CFAP99: variants seen among roughly 807,000 people sequenced by gnomAD.
The protein encoded by CFAP99 is cilia and flagella associated protein 99, also known as cilia- and flagella-associated protein 99.
Under a neutral mutation model 82.7 loss-of-function variants are expected in CFAP99, and 84 were observed. The ratio of observed to expected loss-of-function variants is 1.02; its 90% confidence interval spans 0.85 to 1.22. CFAP99 has a LOEUF of 1.22. Among genes scored for constraint, CFAP99 ranks in the 50% most tolerant of loss-of-function variants. The pLI is 0.00. For synonymous variants in CFAP99, 456 were observed against 429.5 expected (o/e 1.06, Z -0.76); for missense variants, 1,059 against 983.5 (o/e 1.08, Z -1.03).
intron 11 of CFAP99, among the ~76,000 whole-genome samples, chr4:2,457,191 C>T (rs751166602): frequency 5.9e-5 from 9 of 152,106 alleles, no homozygotes; most frequent in Admixed American, 4.6e-4. Context: ...AATCCTCCCC[C>T]CTCAGCTTCC....
intron 4 of CFAP99, among the ~76,000 whole-genome samples, chr4:2,440,499 C>A (rs1445404398): frequency 6.6e-6 from 1 of 151,338 alleles, no homozygotes; most frequent in Non-Finnish European, 1.5e-5. Flanking sequence ...CGCCTGTAAT[C>A]CCAAAACTTT....
At chr4:2,449,301 A>T (rs569195594) in intron 6 of CFAP99, among the ~76,000 whole-genome samples, 1 of 152,004 alleles carries the variant, frequency 6.6e-6, no homozygotes, top group African/African-American at 2.4e-5. Flanking sequence ...CCAGGCAGCC[A>T]TCTTCCGCCT....
chr4:2,460,089 G>C (rs536244582), exon 14 of CFAP99: 1 of 1,535,964 alleles, frequency 6.5e-7, no homozygotes, highest in Non-Finnish European at 8.7e-7. Flanking sequence ...CTGCGAGAGC[G>C]GCTGGCCCTG....
Position 2,443,118 on chromosome 4 carries a change from C to G in CFAP99, c.352-12C>G, listed in dbSNP as rs554719372. ...AGGGCTCCGGCCCCCTGACAGCCCC[C>G]GTCCACCCCAGTTCCTCAGGTTCTT... On this transcript the variant is annotated splice_polypyrimidine_tract_variant and intron_variant, in intron 4 of 14. Coordinates refer to ENST00000635017, the Ensembl canonical transcript of CFAP99. 1.4e-6 allele frequency: 2 copies of G among 1,467,702 alleles called. No individual in the cohort carries two copies. The highest frequency in any genetic ancestry group is 2.0e-5 in the Admixed American group (1 of 50,760). 90.9% of individuals were successfully genotyped at this position (1,467,702 alleles called of 1,614,324 possible). A position where few individuals can be genotyped will look rare whatever the true frequency, so the allele number is the denominator to read the frequency against.
At chr4:2,458,650 C>T (rs557241274) in intron 11 of CFAP99, 73 bp from the exon 12 acceptor site, 2 of 1,479,854 alleles carry the variant, frequency 1.4e-6, no homozygotes, top group Non-Finnish European at 9.0e-7. Flanking sequence ...ATGCTGCGCC[C>T]TGGGCTGGGG....
At chr4:2,436,969 C>T (rs1354401001) in exon 3 of CFAP99, 8 of 1,535,948 alleles carry the variant, frequency 5.2e-6, no homozygotes, top group African/African-American at 2.7e-5. Flanking sequence ...ATGCCTTCTA[C>T]GTGGAGGATG....
chr4:2,462,287 C>G lies in CFAP99; in HGVS notation c.1662-156C>G. On this transcript the variant is annotated intron_variant, in intron 14 of 14. Coordinates refer to ENST00000635017, the Ensembl canonical transcript of CFAP99. The surrounding 1 kb of genome is among the most constrained non-coding windows in gnomAD (Gnocchi z 4.1). ...GGTGGTACTGTCTAGGAGCGCGCCG[C>G]GGCCCCTGGGCCTCGCTGTCTGTCC... The G allele has an allele frequency of 1.5e-6, 1 of 672,596 alleles. No homozygotes were observed. Among genetic ancestry groups the G allele is most frequent in the South Asian group, 2.6e-5 (1 of 37,810 alleles). The allele number at this position is 672,596 out of a possible 1,614,324, so 41.7% of individuals were successfully genotyped here. A position where few individuals can be genotyped will look rare whatever the true frequency, so the allele number is the denominator to read the frequency against.
intron 1 of CFAP99, among the ~76,000 whole-genome samples, chr4:2,423,818 C>T (rs1021036657): frequency 2.6e-5 from 4 of 151,714 alleles, no homozygotes; most frequent in Admixed American, 6.6e-5. Flanking sequence ...TCCCTTGCCC[C>T]GAATCATCAG....
chr4:2,462,934 C>A lies in CFAP99; in HGVS notation c.*8C>A. ...CGCCTGGAGGCCGCCTGAGCCGGGC[C>A]GAGCGCGCCCCACCCGCTTGCGGGC... is the stretch of plus-strand genomic sequence containing the variant. On this transcript the variant is annotated 3_prime_UTR_variant, in exon 15 of 15. Coordinates refer to ENST00000635017, the Ensembl canonical transcript of CFAP99. The surrounding 1 kb of genome is among the most constrained non-coding windows in gnomAD (Gnocchi z 4.1). The A allele has an allele frequency of 7.8e-7, 1 of 1,278,164 alleles. No homozygotes were observed. Among genetic ancestry groups the A allele is most frequent in the African/African-American group, 1.6e-5 (1 of 64,084 alleles). The allele number at this position is 1,278,164 out of a possible 1,614,324, so 79.2% of individuals were successfully genotyped here.
At chr4:2,450,873 T>C in intron 8 of CFAP99, 74 bp from the exon 9 acceptor site, 6 of 1,290,178 alleles carry the variant, frequency 4.7e-6, no homozygotes, top group Non-Finnish European at 6.5e-6. Context: ...TGGGCCAGCA[T>C]CCACCTGGTA....
In CFAP99 at chr4:2,448,692, C is replaced by T. The variant is rs1218035050; in HGVS notation, c.643-978C>T. On this transcript the variant is annotated intron_variant, in intron 6 of 14. Coordinates refer to ENST00000635017, the Ensembl canonical transcript of CFAP99. This position sits in a 1 kb window ranked among gnomAD's most constrained non-coding sequence, Gnocchi z 5.2. ...AAGGCCCTGGGGCAGTGCCCACCCT[C>T]CCTCAAGTGTTTGAGGGTGGCCAGG... 6.6e-6 allele frequency among the ~76,000 whole-genome samples: 1 copy of T among 152,240 alleles called. No individual in the cohort carries two copies.
At chr4:2,427,601 G>A (rs1203780) in intron 2 of CFAP99, 24,918 of 152,442 alleles carry the variant, frequency 0.16, 2,203 homozygotes, top group East Asian at 0.33. Flanking sequence ...GCTGTGCTCT[G>A]GATGAACTTG....
intron 11 of CFAP99, among the ~76,000 whole-genome samples, chr4:2,455,869 C>T (rs1734413457): frequency 6.6e-6 from 1 of 152,158 alleles, no homozygotes; most frequent in African/African-American, 2.4e-5. Flanking sequence ...TTTTCTTATG[C>T]AGTTCATATT....
At chr4:2,439,855 T>C (rs999826890) in intron 4 of CFAP99, among the ~76,000 whole-genome samples, 19 of 152,140 alleles carry the variant, frequency 1.2e-4, no homozygotes, top group African/African-American at 4.3e-4. Context: ...ACATTTTTTT[T>C]TTTTTTAAGA....
chr4:2,440,681 C>T (rs1211721763), intron 4 of CFAP99, among the ~76,000 whole-genome samples: 1 of 151,906 alleles, frequency 6.6e-6, no homozygotes, highest in African/African-American at 2.4e-5. Flanking sequence ...CAAGCTCTGC[C>T]TCCCAGGTTC....
At chr4:2,433,209 G>C (rs1019048124) in intron 2 of CFAP99, among the ~76,000 whole-genome samples, 4 of 152,238 alleles carry the variant, frequency 2.6e-5, no homozygotes, top group Non-Finnish European at 4.4e-5. Flanking sequence ...AGGGCTCAAG[G>C]CTCCGACCTT....
chr4:2,456,229 T>C (rs1734429834), intron 11 of CFAP99, among the ~76,000 whole-genome samples: 1 of 152,124 alleles, frequency 6.6e-6, no homozygotes, highest in Non-Finnish European at 1.5e-5. Flanking sequence ...GATGCGGTTT[T>C]GCCATGTTGG....
chr4:2,451,885 C>G (rs1297705195), intron 10 of CFAP99, among the ~76,000 whole-genome samples: 1 of 147,072 alleles, frequency 6.8e-6, no homozygotes, highest in Non-Finnish European at 1.5e-5. Context: ...GACAGTTGGA[C>G]AGAGTGAGGG....
chr4:2,450,184 C>T (rs914603393), intron 8 of CFAP99, 179 bp downstream of exon 8: 10 of 663,264 alleles, frequency 1.5e-5, no homozygotes, highest in Non-Finnish European at 2.6e-5. Flanking sequence ...CGATGTGGCC[C>T]CTAAGCAGGC....
Sources: allele counts gnomAD v4.1 joint callset (sites outside exome capture counted in the v4.1 genomes callset), GRCh38; gene constraint gnomAD v4.1.1; non-coding constraint Gnocchi (gnomAD v3.1); transcripts MANE v1.5; gene names NCBI Gene and HGNC (gene_info 2026-07-23, HGNC 2026-07-21).